Variants in MBP observed in about 807,000 individuals in gnomAD.
MBP encodes the protein Golli-MBP.
A neutral mutation model predicts 35.8 loss-of-function variants in MBP; 16 were observed. The observed-to-expected ratio is 0.45, with a 90% CI of 0.30 to 0.68. The LOEUF (loss-of-function observed/expected upper bound fraction) is 0.68. Ranked by LOEUF, MBP falls within the 30% of genes least tolerant of loss-of-function variation. The pLI is 0.08. For missense variants in MBP, 380 were observed against 404.7 expected (o/e 0.94, Z 0.52); for synonymous variants, 143 against 159.6 (o/e 0.90, Z 0.78).
chr18:76,985,053 TG>T (rs943667668), intron 7 of MBP, 159 bp from the exon 8 acceptor site: 27 of 1,484,300 alleles, frequency 1.8e-5, no homozygotes, highest in Non-Finnish European at 2.2e-5. Flanking sequence ...GCTGAGGGGG[TG>T]GGGGCGGGAG....
chr18:77,018,906 AT>A (rs1971843575), intron 3 of MBP, among the ~76,000 whole-genome samples: 2 of 147,970 alleles, frequency 1.4e-5, no homozygotes, highest in East Asian at 2.0e-4. Flanking sequence ...CCATCCATCC[AT>A]CCATCCACTC....
At chr18:76,998,244 A>G (rs1232284887) in intron 4 of MBP, among the ~76,000 whole-genome samples, 1 of 152,172 alleles carries the variant, frequency 6.6e-6, no homozygotes, top group Non-Finnish European at 1.5e-5. Context: ...CCTCCTGTGC[A>G]TGGAGCCTGC....
chr18:76,991,224 C>A (rs768146285), intron 4 of MBP, among the ~76,000 whole-genome samples: 5 of 151,922 alleles, frequency 3.3e-5, no homozygotes, highest in African/African-American at 1.2e-4. Flanking sequence ...TAAGAGGAAG[C>A]GGAGAGGGAA....
At chr18:77,098,166 TCC>T (rs1232015283) in intron 2 of MBP, among the ~76,000 whole-genome samples, 15 of 104,058 alleles carry the variant, frequency 1.4e-4, no homozygotes, top group African/African-American at 4.4e-4. Flanking sequence ...CACAAGGACT[TCC>T]TTTTTTTTTT....
chr18:77,013,597 A>G (rs749336429), intron 4 of MBP: 3 of 985,400 alleles, frequency 3.0e-6, no homozygotes, highest in Non-Finnish European at 3.6e-6. Flanking sequence ...ATACAGTCGC[A>G]ATTAGAGGCA....
chr18:77,085,973 C>T (rs1417678276), intron 2 of MBP, among the ~76,000 whole-genome samples: 2 of 152,074 alleles, frequency 1.3e-5, no homozygotes, highest in Non-Finnish European at 2.9e-5. Flanking sequence ...TGAACCACCG[C>T]GCCCGGCCCT....
chr18:77,013,842 C>A (rs1395211314), intron 4 of MBP: 1 of 985,292 alleles, frequency 1.0e-6, no homozygotes, highest in Non-Finnish European at 1.2e-6. Flanking sequence ...TCTTGTGAAA[C>A]CTTACTTCCT....
chr18:77,073,489 C>T (rs2087344759), intron 2 of MBP, among the ~76,000 whole-genome samples: 1 of 152,208 alleles, frequency 6.6e-6, no homozygotes, highest in African/African-American at 2.4e-5. Flanking sequence ...CGAATGGGCC[C>T]AGGTGGCTGT....
intron 1 of MBP, among the ~76,000 whole-genome samples, chr18:77,111,552 G>T (rs1030418375): frequency 6.6e-6 from 1 of 152,260 alleles, no homozygotes; most frequent in African/African-American, 2.4e-5. Flanking sequence ...GAGGGCCCTG[G>T]TGTCGTGTGA....
intron 3 of MBP, among the ~76,000 whole-genome samples, chr18:77,049,100 T>C (rs1224409186): frequency 2.6e-5 from 4 of 151,956 alleles, no homozygotes; most frequent in African/African-American, 4.8e-5. Context: ...TTTGTATTTT[T>C]AGTAGAGACG....
chr18:77,088,039 G>A (rs1975334445), intron 2 of MBP, among the ~76,000 whole-genome samples: 1 of 152,046 alleles, frequency 6.6e-6, no homozygotes, highest in African/African-American at 2.4e-5. Context: ...GGGAGCCCGG[G>A]CCCTCCAGGC....
intron 1 of MBP, among the ~76,000 whole-genome samples, chr18:77,122,536 T>G (rs1976920351): frequency 1.3e-5 from 2 of 152,164 alleles, no homozygotes; most frequent in Non-Finnish European, 2.9e-5. Flanking sequence ...GTATTTTGTT[T>G]CTTTCTTTTC....
rs1183417224 is a variant in MBP, at chr18:77,000,149, T to G, written c.577-10089A>C. Among the ~76,000 whole-genome samples, 9 of 152,230 alleles carry G rather than the reference T, an allele frequency of 5.9e-5. No homozygotes were observed. In the East Asian group the frequency reaches 1.7e-3, roughly 29 times the overall value. ...AAAAAAAGACCTGATTTTTAAAAAC[T>G]AATATTTTCTATTGTTTAGAAAAAT... On this transcript the variant is annotated intron_variant, in intron 4 of 8. Coordinates refer to ENST00000355994, the MANE Select transcript of MBP (RefSeq NM_001025101.2).
intron 1 of MBP, chr18:77,112,810 G>C (rs1976516052): frequency 1.3e-5 from 2 of 152,272 alleles, no homozygotes; most frequent in Non-Finnish European, 2.9e-5. Context: ...TCCAAGTCCT[G>C]ACCCCAGGAC....
intron 3 of MBP, among the ~76,000 whole-genome samples, chr18:77,058,341 C>A (rs1036137965): frequency 6.6e-6 from 1 of 152,192 alleles, no homozygotes; most frequent in East Asian, 1.9e-4. Context: ...CCCTGCTCCA[C>A]GCTGCGGGGA....
chr18:77,114,470 G>A (rs1460634093), intron 1 of MBP: 2 of 152,334 alleles, frequency 1.3e-5, no homozygotes, highest in South Asian at 4.1e-4. Context: ...GCTCATCCAC[G>A]TGTCAGTTAG....
At chr18:77,042,035 T>G (rs1004762944) in intron 3 of MBP, among the ~76,000 whole-genome samples, 1 of 152,072 alleles carries the variant, frequency 6.6e-6, no homozygotes, top group Non-Finnish European at 1.5e-5. Flanking sequence ...AGGCGCACTT[T>G]CTAGTCATCA....
chr18:77,036,747 T>C (rs1972785698), intron 3 of MBP, among the ~76,000 whole-genome samples: 1 of 131,790 alleles, frequency 7.6e-6, no homozygotes, highest in Admixed American at 7.4e-5. Flanking sequence ...GGTCACATTT[T>C]GGAGACTGAG....
intron 3 of MBP, among the ~76,000 whole-genome samples, chr18:77,051,308 C>T (rs762579269): frequency 2.0e-5 from 3 of 152,194 alleles, no homozygotes; most frequent in Admixed American, 1.3e-4. Flanking sequence ...GGGCGAATGA[C>T]GCGAGCATCT....
Sources: allele counts gnomAD v4.1 joint callset (sites outside exome capture counted in the v4.1 genomes callset), GRCh38; gene constraint gnomAD v4.1.1; transcripts MANE v1.5; gene names NCBI Gene and HGNC (gene_info 2026-07-23, HGNC 2026-07-21).